Variants in PALB2 observed in about 807,000 individuals in gnomAD.
PALB2 encodes the protein partner and localizer of BRCA2, also known as mutant partner and localizer of BRCA2.
PALB2 carries 82 observed loss-of-function variants against 107.4 expected under a neutral mutation model. The ratio of observed to expected loss-of-function variants is 0.76; its 90% CI spans 0.64 to 0.92. The LOEUF is 0.92. Ranked by LOEUF, PALB2 falls within the 40% of genes least tolerant of loss-of-function variation. The pLI, the probability that PALB2 is intolerant of heterozygous loss-of-function variation, is 0.00. For missense variants in PALB2, 1,374 were observed against 1,379.9 expected (o/e 1.00, Z 0.07); for synonymous variants, 489 against 496.8 (o/e 0.98, Z 0.21).
chr16:23,630,273 C>A lies in PALB2; in HGVS notation c.1881G>T (p.Val627=), dbSNP rs139362268. The A allele has an allele frequency of 9.2e-5, 148 of 1,614,046 alleles. No individual in the cohort carries two copies. The highest frequency in any genetic ancestry group is 1.4e-5 in the Non-Finnish European group (17 of 1,180,026). The change falls in exon 5 of 13, where the codon GTG becomes GTT. Residue 627 remains valine, a synonymous_variant. Coordinates refer to ENST00000261584, the MANE Select transcript of PALB2 (RefSeq NM_024675.4). ...CCACTGGTTTTTCTGAGCAGGACTT[C>A]ACTTTTTCAAGCTTAAGAGGTCCAA... The part of the protein sequence containing the change: ...EDFGPLKLEK[V]KSCSEKPVEP...
At chr16:23,636,918 C>T (rs942013555) in intron 3 of PALB2, among the ~76,000 whole-genome samples, 14 of 152,164 alleles carry the variant, frequency 9.2e-5, no homozygotes, top group Admixed American at 3.9e-4. Flanking sequence ...ATATTTTCAC[C>T]TAGAATTTTT....
At chr16:23,614,316 T>A (rs1222729353) in intron 10 of PALB2, among the ~76,000 whole-genome samples, 1 of 152,202 alleles carries the variant, frequency 6.6e-6, no homozygotes, top group East Asian at 1.9e-4. Context: ...ACAATGCCCC[T>A]AGGGATAAAT....
At chr16:23,604,075 C>T (rs2142257459) in intron 12 of PALB2, among the ~76,000 whole-genome samples, 1 of 152,312 alleles carries the variant, frequency 6.6e-6, no homozygotes, top group African/African-American at 2.4e-5. Flanking sequence ...AAGGTCACCC[C>T]TAATCCTCTA....
At chr16:23,634,639 TTTTATTTATTTATTTA>T (rs60066032) in intron 4 of PALB2, among the ~76,000 whole-genome samples, 6 of 146,788 alleles carry the variant, frequency 4.1e-5, no homozygotes, top group South Asian at 2.2e-4. Context: ...GTCTCTTTAT[TTTTATTTATTTATTTA>T]TTTATTTATT....
rs45478192 is a variant in PALB2, at chr16:23,624,027, A to C, written c.2816T>G (p.Leu939Trp). 1.7e-3 allele frequency: 2,636 copies of C among 1,597,496 alleles called. 4 individuals carry two copies. The highest frequency in any genetic ancestry group is 2.1e-3 in the Non-Finnish European group (2,405 of 1,164,972). Residue 939 changes from leucine (L) to tryptophan (W), a missense_variant, in exon 8 of 13, where the codon TTG becomes TGG. Leu to Trp is a moderately conservative substitution (Grantham distance 61). Transcript: ENST00000261584. ...YNLVCVALGN[L>W]EIREIRALFC... The stretch of plus-strand genomic sequence containing the variant: ...TACATACCTGATCTCTCTGATTTCC[A>C]AATTTCCCAAAGCTACACACACGAG...
rs1597096781 is a variant in PALB2 at position 23,635,355 on chromosome 16, T to C, written c.1191A>G (p.Thr397=). ...CAGGAAACAGAAGGCCTTCAGGCAC[T>C]GTGCAAGAATGTTTTTCTGCAGAAA... ...SPLSAEKHSC[T]VPEGLLFPAE... The change falls in exon 4 of 13, where the codon ACA becomes ACG. Residue 397 remains threonine (T), a synonymous_variant. Transcript: ENST00000261584. 22 of 1,614,042 alleles carry C rather than the reference T, an allele frequency of 1.4e-5. No homozygotes were observed. The highest frequency in any genetic ancestry group is 1.9e-5 in the Non-Finnish European group (22 of 1,180,032).
chr16:23,620,013 C>A (rs751598988), intron 10 of PALB2, among the ~76,000 whole-genome samples: 7 of 152,202 alleles, frequency 4.6e-5, no homozygotes, highest in African/African-American at 4.8e-5. Context: ...CACTTGGCCT[C>A]AAGTGATCTG....
intron 11 of PALB2, among the ~76,000 whole-genome samples, chr16:23,608,609 G>C (rs1183474843): frequency 6.6e-6 from 1 of 151,956 alleles, no homozygotes; most frequent in African/African-American, 2.4e-5. Flanking sequence ...TCTTGTACAT[G>C]GTGGCTGGTT....
chr16:23,635,183 T>C lies in PALB2; in HGVS notation c.1363A>G (p.Asn455Asp). ...ATTTCACTTTGGTCAGTTTCCTCAT[T>C]GGAAAGGTTTAAATTTTTACTTGCA... ...KDASKNLNLS[N>D]EETDQSEIRM... The change falls in exon 4 of 13, where the codon AAT (asparagine) becomes GAT (aspartate). Residue 455 changes from asparagine to aspartate, a missense_variant. Physicochemically the swap from Asn to Asp is conservative, Grantham distance 23. Coordinates refer to ENST00000261584, the MANE Select transcript of PALB2 (RefSeq NM_024675.4). The C allele has an allele frequency of 6.2e-7, 1 of 1,614,196 alleles. No homozygotes were observed. Among genetic ancestry groups the C allele is most frequent in the Middle Eastern group, 1.6e-4 (1 of 6,062 alleles).
chr16:23,621,578 A>T (rs1034759563), intron 9 of PALB2, 100 bp from the exon 10 acceptor site: 3 of 741,134 alleles, frequency 4.0e-6, no homozygotes, highest in Non-Finnish European at 7.2e-6. Flanking sequence ...AACTAACCTA[A>T]TATCAGGAAA....
At chr16:23,621,232 A>G (rs777329556) in intron 10 of PALB2, 130 bp downstream of exon 10, 7 of 731,278 alleles carry the variant, frequency 9.6e-6, no homozygotes, top group Non-Finnish European at 1.7e-5. Context: ...AAACAACAAC[A>G]ACAGCAACAC....
In PALB2 at chr16:23,607,914, A is replaced by T. The variant is rs45516100; in HGVS notation, c.3300T>A (p.Thr1100=). 1.9e-6 allele frequency: 3 copies of T among 1,614,116 alleles called. No individual in the cohort carries two copies. The highest frequency in any genetic ancestry group is 1.7e-6 in the Non-Finnish European group (2 of 1,180,016). The change falls in exon 12 of 13, where the codon ACT becomes ACA. Residue 1100 remains threonine, a synonymous_variant. Transcript: ENST00000261584. ...FQLIVINPKT[T]LSVGVMLYCL... ...AGTACAGCATCACACCCACGCTGAG[A>T]GTCGTCTTAGGGTTAATCACAATGA... is the stretch of plus-strand genomic sequence containing the variant.
chr16:23,641,265 G>C lies in PALB2; in HGVS notation c.-108C>G. 18 of 1,402,340 alleles carry C rather than the reference G, an allele frequency of 1.3e-5. No homozygotes were observed. The highest frequency in any genetic ancestry group is 1.8e-5 in the Non-Finnish European group (18 of 1,015,368). The allele number at this position is 1,402,340 out of a possible 1,614,324, so 86.9% of individuals were successfully genotyped here. On this transcript the variant is annotated 5_prime_UTR_variant, in exon 1 of 13. Coordinates refer to ENST00000261584, the MANE Select transcript of PALB2 (RefSeq NM_024675.4). ...GAGGCGCCCCAGGAAGGAATGGGGA[G>C]CCCGGGATCGCACCCTCAGTGCGCG... is the stretch of plus-strand genomic sequence containing the variant.
rs1240552147 is a variant in PALB2 at position 23,636,224 on chromosome 16, T to G, written c.322A>C (p.Asn108His). 6.2e-7 allele frequency: 1 copy of G among 1,613,598 alleles called. No homozygotes were observed. The highest frequency in any genetic ancestry group is 8.5e-7 in the Non-Finnish European group (1 of 1,179,954). Residue 108 changes from asparagine to histidine, a missense_variant, in exon 4 of 13, where the codon AAC (asparagine) becomes CAC (histidine). Transcript: ENST00000261584. The stretch of plus-strand genomic sequence containing the variant: ...AATCCTCCTGGGCCATCTCCAGGGT[T>G]AAAGGACTCAGGCCCAACATCAAGT... ...ITLDVGPESFNPGDGPGGLPI... is the reference protein window; with the variant it reads ...ITLDVGPESFHPGDGPGGLPI...
chr16:23,636,751 T>C (rs1038459544), intron 3 of PALB2, among the ~76,000 whole-genome samples: 15 of 152,232 alleles, frequency 9.9e-5, no homozygotes, highest in Admixed American at 4.6e-4. Flanking sequence ...TTCTCTTAAC[T>C]TCTAAATCTC....
chr16:23,633,712 GTTTTT>G (rs1307021613), intron 4 of PALB2, among the ~76,000 whole-genome samples: 1 of 150,536 alleles, frequency 6.6e-6, no homozygotes, highest in African/African-American at 2.4e-5. Flanking sequence ...TCTTAGTCTT[GTTTTT>G]TTTTGAGAGA....
At chr16:23,623,297 G>A (rs1199474853) in intron 8 of PALB2, among the ~76,000 whole-genome samples, 167 bp from the exon 9 acceptor site, 1 of 150,036 alleles carries the variant, frequency 6.7e-6, no homozygotes, top group Admixed American at 6.7e-5. Context: ...CTGCCTCCCA[G>A]GTTCAAGCGA....
intron 1 of PALB2, among the ~76,000 whole-genome samples, chr16:23,639,199 A>G (rs1004188088): frequency 6.6e-6 from 1 of 152,168 alleles, no homozygotes; most frequent in African/African-American, 2.4e-5. Context: ...CAAAACATCA[A>G]GATTTCCATC....
At chr16:23,630,640 C>T (rs1269157742) in intron 4 of PALB2, among the ~76,000 whole-genome samples, 171 bp from the exon 5 acceptor site, 1 of 152,158 alleles carries the variant, frequency 6.6e-6, no homozygotes, top group East Asian at 1.9e-4. Flanking sequence ...ATCAAAGAAA[C>T]ATGTTAAACC....
Sources: allele counts gnomAD v4.1 joint callset (sites outside exome capture counted in the v4.1 genomes callset), GRCh38; gene constraint gnomAD v4.1.1; transcripts MANE v1.5; gene names NCBI Gene and HGNC (gene_info 2026-07-23, HGNC 2026-07-21).